IL1RAPL2: variants seen among roughly 807,000 people sequenced by gnomAD.
IL1RAPL2 encodes interleukin 1 receptor accessory protein like 2, also known as X-linked interleukin-1 receptor accessory protein-like 2.
IL1RAPL2 carries 3 observed loss-of-function variants against 44.1 expected under a neutral mutation model. The observed-to-expected ratio is 0.07, with a 90% confidence interval of 0.03 to 0.18. IL1RAPL2 has a LOEUF of 0.18. Among genes scored for constraint, IL1RAPL2 ranks in the 10% least tolerant of loss-of-function variants. The pLI is 1.00. For synonymous variants in IL1RAPL2, 181 were observed against 178.8 expected, an observed-to-expected ratio of 1.01 and a Z score of -0.10; for missense variants, 391 against 496.4, an observed-to-expected ratio of 0.79 and a Z score of 2.02.
intron 2 of IL1RAPL2, among the ~76,000 whole-genome samples, chrX:105,067,981 C>T (rs1008164792): frequency 8.9e-6 from 1 of 112,118 alleles, no homozygotes; most frequent in Admixed American, 9.5e-5. Flanking sequence ...TCTTTGAAAA[C>T]AAGATGAATA....
chrX:104,852,849 C>T (rs1922263571), intron 2 of IL1RAPL2, among the ~76,000 whole-genome samples: 1 of 111,752 alleles, frequency 8.9e-6, no homozygotes, highest in African/African-American at 3.3e-5. Flanking sequence ...GGGACATAAC[C>T]TTCCTGACTT....
intron 5 of IL1RAPL2, among the ~76,000 whole-genome samples, chrX:105,392,259 T>A (rs767308950): frequency 9.0e-6 from 1 of 111,216 alleles, no homozygotes; most frequent in South Asian, 3.8e-4. Context: ...TTTAATCAGT[T>A]GTCCATTTAG....
chrX:104,714,866 G>T (rs1162322210), intron 2 of IL1RAPL2, among the ~76,000 whole-genome samples: 1 of 111,127 alleles, frequency 9.0e-6, no homozygotes, highest in African/African-American at 3.3e-5. Flanking sequence ...TTGATGTGCT[G>T]CTGGATTCAA....
chrX:105,665,344 C>CGCGCGT (rs1197936624), intron 6 of IL1RAPL2, among the ~76,000 whole-genome samples: 46 of 98,552 alleles, frequency 4.7e-4, no homozygotes, highest in African/African-American at 1.6e-3. Context: ...TATGCGCGTG[C>CGCGCGT]GTGTGTGTGT....
chrX:104,991,079 A>G (rs1465146731), intron 2 of IL1RAPL2, among the ~76,000 whole-genome samples: 2 of 111,486 alleles, frequency 1.8e-5, no homozygotes, highest in Non-Finnish European at 3.8e-5. Flanking sequence ...ATTTGAAGGA[A>G]TAATGCTAGA....
intron 6 of IL1RAPL2, among the ~76,000 whole-genome samples, chrX:105,509,011 A>G (rs2036451206): frequency 8.9e-6 from 1 of 111,851 alleles, no homozygotes; most frequent in African/African-American, 3.2e-5. Flanking sequence ...ATAGGGATTC[A>G]TTCATTTAAC....
chrX:105,411,217 A>G (rs1168322192), intron 5 of IL1RAPL2, among the ~76,000 whole-genome samples: 1 of 111,813 alleles, frequency 8.9e-6, no homozygotes, highest in Non-Finnish European at 1.9e-5. Flanking sequence ...AAAACCACCA[A>G]ACCATAAAGG....
chrX:105,042,014 G>T (rs1375065912), intron 2 of IL1RAPL2, among the ~76,000 whole-genome samples: 2 of 110,726 alleles, frequency 1.8e-5, no homozygotes, highest in Non-Finnish European at 3.8e-5. Flanking sequence ...TGGGAAAACT[G>T]GCTAGCCATA....
At chrX:105,609,429 T>TGA (rs758093940) in intron 6 of IL1RAPL2, among the ~76,000 whole-genome samples, 31 of 108,406 alleles carry the variant, frequency 2.9e-4, no homozygotes, top group African/African-American at 6.7e-4. Flanking sequence ...AAATAGTGCA[T>TGA]GAGAGAGAGA....
Position 105,539,941 on chromosome X carries a change from A to G in IL1RAPL2, c.772+55554A>G, listed in dbSNP as rs150009644. Among the ~76,000 whole-genome samples, 12 of 111,667 alleles carry G rather than the reference A, an allele frequency of 1.1e-4. No homozygotes were observed. In the East Asian group the frequency reaches 2.5e-3, roughly 24 times the overall value. On this transcript the variant is annotated intron_variant, in intron 6 of 10. Transcript: ENST00000372582. ...AACATGCTCAGCATCACTAATCATT[A>G]GAGAAATGCAAATCAAAACCACAAT...
intron 4 of IL1RAPL2, among the ~76,000 whole-genome samples, chrX:105,242,130 C>T (rs1179459539): frequency 9.0e-6 from 1 of 111,682 alleles, no homozygotes; most frequent in African/African-American, 3.3e-5. Flanking sequence ...TGTCCCTAGG[C>T]CTTATCTAGA....
At chrX:104,672,375 C>T (rs1164007354) in intron 2 of IL1RAPL2, among the ~76,000 whole-genome samples, 1 of 110,582 alleles carries the variant, frequency 9.0e-6, no homozygotes, top group Non-Finnish European at 1.9e-5. Flanking sequence ...TGATAGTTTA[C>T]TGAGAATGAT....
At chrX:105,363,295 T>TATATATATATATA in intron 5 of IL1RAPL2, among the ~76,000 whole-genome samples, 1 of 79,763 alleles carries the variant, frequency 1.3e-5, no homozygotes, top group East Asian at 3.2e-4. Context: ...ATATAATATA[T>TATATATATATATA]ATATATATAT....
intron 4 of IL1RAPL2, among the ~76,000 whole-genome samples, chrX:105,245,685 C>T (rs762951775): frequency 2.7e-5 from 3 of 112,548 alleles, no homozygotes; most frequent in Non-Finnish European, 5.6e-5. Flanking sequence ...CTTAATTATT[C>T]ACTGAGCACC....
At chrX:105,379,560 G>C (rs1234801080) in intron 5 of IL1RAPL2, among the ~76,000 whole-genome samples, 1 of 111,436 alleles carries the variant, frequency 9.0e-6, no homozygotes, top group Non-Finnish European at 1.9e-5. Flanking sequence ...CAGGATATGA[G>C]GGTATGACAG....
intron 8 of IL1RAPL2, 22 bp downstream of exon 8, chrX:105,740,713 A>G: frequency 8.5e-7 from 1 of 1,179,751 alleles, no homozygotes; most frequent in African/African-American, 1.7e-5. Flanking sequence ...TATAACTATA[A>G]CTATGGTTTG....
chrX:104,748,829 C>A (rs1932214336), intron 2 of IL1RAPL2, among the ~76,000 whole-genome samples: 1 of 111,628 alleles, frequency 9.0e-6, no homozygotes, highest in African/African-American at 3.3e-5. Context: ...TAAAGTAAAT[C>A]ATTGTTCTTT....
intron 2 of IL1RAPL2, among the ~76,000 whole-genome samples, chrX:104,924,367 A>G (rs1924725445): frequency 8.9e-6 from 1 of 111,961 alleles, no homozygotes; most frequent in Admixed American, 9.5e-5. Flanking sequence ...AGACATTTAC[A>G]GAACATTCTA....
At chrX:104,969,622 G>A (rs2030194362) in intron 2 of IL1RAPL2, among the ~76,000 whole-genome samples, 1 of 111,368 alleles carries the variant, frequency 9.0e-6, no homozygotes, top group South Asian at 3.7e-4. Flanking sequence ...TTAATAATTA[G>A]AATCCATTCT....
Sources: allele counts gnomAD v4.1 joint callset (sites outside exome capture counted in the v4.1 genomes callset), GRCh38; gene constraint gnomAD v4.1.1; transcripts MANE v1.5; gene names NCBI Gene and HGNC (gene_info 2026-07-23, HGNC 2026-07-21).